Variants in DYNC2I1 observed in about 807,000 individuals in gnomAD.
The protein encoded by DYNC2I1 is dynein 2 intermediate chain 1, also known as cytoplasmic dynein 2 intermediate chain 1.
Under a neutral mutation model 133.4 loss-of-function variants are expected in DYNC2I1, and 89 were observed. The ratio of observed to expected loss-of-function variants is 0.67; its 90% CI spans 0.56 to 0.80. The LOEUF (loss-of-function observed/expected upper bound fraction) is 0.80. Among genes scored for constraint, DYNC2I1 ranks in the 30% least tolerant of loss-of-function variants. The pLI is 0.00. For synonymous variants in DYNC2I1, 504 were observed against 484.3 expected, an observed-to-expected ratio of 1.04 and a Z score of -0.54; for missense variants, 1,291 against 1,314.5, an observed-to-expected ratio of 0.98 and a Z score of 0.28.
intron 11 of DYNC2I1, among the ~76,000 whole-genome samples, chr7:158,908,892 AG>A (rs1479572872): frequency 2.0e-5 from 3 of 152,220 alleles, no homozygotes; most frequent in Non-Finnish European, 4.4e-5. Flanking sequence ...AGATGGCCCC[AG>A]GGTGGTAAAG....
intron 10 of DYNC2I1, among the ~76,000 whole-genome samples, chr7:158,905,723 G>T (rs1292615817): frequency 6.6e-6 from 1 of 152,116 alleles, no homozygotes; most frequent in Non-Finnish European, 1.5e-5. Context: ...CATCTTTTGT[G>T]CATTCTTAAG....
At chr7:158,852,699 A>G (rs1841087355), upstream of DYNC2I1, among the ~76,000 whole-genome samples, 1 of 152,168 alleles carries the variant, frequency 6.6e-6, no homozygotes, top group Non-Finnish European at 1.5e-5. Context: ...AGATCGCGCC[A>G]TTGCATTCTA....
chr7:158,890,415 G>A (rs1057318456), intron 7 of DYNC2I1, among the ~76,000 whole-genome samples: 1 of 151,896 alleles, frequency 6.6e-6, no homozygotes, highest in Non-Finnish European at 1.5e-5. Context: ...GCTCTGATTA[G>A]ATCCTGATTT....
the DYNC2I1 span, among the ~76,000 whole-genome samples, chr7:158,848,735 T>C: frequency 2.5e-4 from 38 of 152,210 alleles, no homozygotes; most frequent in Middle Eastern, 0.01. Context: ...CCATTCTGGC[T>C]AACACGGTGA....
intron 4 of DYNC2I1, among the ~76,000 whole-genome samples, chr7:158,951,241 G>A (rs1852044670): frequency 6.6e-6 from 1 of 152,246 alleles, no homozygotes; most frequent in African/African-American, 2.4e-5. Flanking sequence ...ATGGACAGTA[G>A]AGAGGGAGGT....
intron 23 of DYNC2I1, among the ~76,000 whole-genome samples, chr7:158,940,633 T>C (rs575219849): frequency 6.6e-6 from 1 of 152,286 alleles, no homozygotes; most frequent in Non-Finnish European, 1.5e-5. Context: ...TCATATTGAG[T>C]ATCTTATGAT....
intron 1 of DYNC2I1, among the ~76,000 whole-genome samples, chr7:158,863,333 A>G (rs1224406786): frequency 1.3e-5 from 2 of 152,130 alleles, no homozygotes; most frequent in African/African-American, 2.4e-5. Context: ...TCAGCAAGAC[A>G]GAGTCCTGAT....
chr7:158,863,388 TC>T, intron 1 of DYNC2I1, among the ~76,000 whole-genome samples: 1 of 152,020 alleles, frequency 6.6e-6, no homozygotes, highest in South Asian at 2.1e-4. Flanking sequence ...GTTCTCCAAG[TC>T]CCCACCCACC....
intron 14 of DYNC2I1, among the ~76,000 whole-genome samples, chr7:158,915,381 A>ACCT (rs1847987340): frequency 8.7e-6 from 1 of 114,444 alleles, no homozygotes; most frequent in Admixed American, 8.8e-5. Context: ...TGATTGTGAA[A>ACCT]CGTCGACATG....
At chr7:158,911,749 C>T in intron 12 of DYNC2I1, 70 bp downstream of exon 12, 2 of 1,505,662 alleles carry the variant, frequency 1.3e-6, no homozygotes, top group Admixed American at 2.0e-5. Context: ...TTGTGTCTTC[C>T]TGAATAATGT....
intron 21 of DYNC2I1, among the ~76,000 whole-genome samples, chr7:158,933,722 T>C (rs1404922933): frequency 1.2e-4 from 18 of 152,238 alleles, no homozygotes; most frequent in Non-Finnish European, 4.4e-5. Flanking sequence ...AGGTTTCTTA[T>C]GAGAAGCAGT....
chr7:158,890,606 T>C (rs967768798), intron 7 of DYNC2I1, among the ~76,000 whole-genome samples: 1 of 152,106 alleles, frequency 6.6e-6, no homozygotes, highest in Admixed American at 6.5e-5. Context: ...CTTCTTTTTT[T>C]TTTTCTTTGA....
At chr7:158,899,075 C>T (rs1158320081) in intron 8 of DYNC2I1, among the ~76,000 whole-genome samples, 2 of 152,126 alleles carry the variant, frequency 1.3e-5, no homozygotes, top group Non-Finnish European at 2.9e-5. Flanking sequence ...AATCTGCAAA[C>T]GCTCAAGTTC....
the DYNC2I1 span, among the ~76,000 whole-genome samples, chr7:158,842,421 G>C: frequency 7.2e-5 from 11 of 152,224 alleles, no homozygotes; most frequent in Non-Finnish European, 1.6e-4. Context: ...GACATAGTGT[G>C]ACCTGGTTAG....
At chr7:158,934,729 G>A (rs780635264) in intron 23 of DYNC2I1, among the ~76,000 whole-genome samples, 180 bp downstream of exon 23, 1 of 152,102 alleles carries the variant, frequency 6.6e-6, no homozygotes, top group Non-Finnish European at 1.5e-5. Context: ...CTGTACAGGT[G>A]CATGCCACTA....
At chr7:158,921,766 C>T (rs747063039) in intron 15 of DYNC2I1, among the ~76,000 whole-genome samples, 23 of 152,180 alleles carry the variant, frequency 1.5e-4, no homozygotes, top group Non-Finnish European at 2.2e-4. Flanking sequence ...GCCAGCGGTG[C>T]GGTCCAGTTC....
upstream of DYNC2I1, among the ~76,000 whole-genome samples, chr7:158,852,874 T>C (rs189786856): frequency 3.4e-3 from 514 of 152,394 alleles, 3 homozygotes; most frequent in African/African-American, 0.012. Context: ...ATGTTCTGTA[T>C]AGCTAATTGC....
chr7:158,879,613 A>G (rs761276971), intron 4 of DYNC2I1, 71 bp from the exon 5 acceptor site: 245 of 1,480,226 alleles, frequency 1.7e-4, no homozygotes, highest in Admixed American at 8.0e-4. Flanking sequence ...TGCAGAACCC[A>G]CAGAGAGGGA....
In DYNC2I1 at chr7:158,887,047, A is replaced by G. The variant is rs779138555; in HGVS notation, c.962A>G (p.His321Arg). 4 of 1,613,866 alleles carry G rather than the reference A, an allele frequency of 2.5e-6. No individual in the cohort carries two copies. Among genetic ancestry groups the G allele is most frequent in the Non-Finnish European group, 3.4e-6 (4 of 1,179,862 alleles). ...CATGCTGAGAATTTAGTAAGGAATC[A>G]TGGAAAAGATAAAGATTCAAGACGG... The part of the protein sequence containing the change: ...SQHAENLVRN[H>R]GKDKDSRRKH... The change falls in exon 7 of 25, where the codon CAT becomes CGT. Residue 321 changes from histidine to arginine, a missense_variant. His to Arg is a conservative substitution (Grantham distance 29). Coordinates refer to ENST00000407559, the MANE Select transcript of DYNC2I1 (RefSeq NM_018051.5).
Sources: gnomAD v4.1 joint callset for allele counts (sites outside exome capture counted in the v4.1 genomes callset) on GRCh38, gnomAD v4.1.1 for gene constraint, MANE v1.5 for transcripts, NCBI Gene and HGNC (gene_info 2026-07-23, HGNC 2026-07-21) for gene names.